Variants in MSI2 observed in about 807,000 individuals in gnomAD.
MSI2 encodes the protein musashi RNA binding protein 2.
A neutral mutation model predicts 45.6 loss-of-function variants in MSI2; 17 were observed. That is an observed-to-expected ratio of 0.37 (90% CI 0.26 to 0.56). MSI2 has a LOEUF of 0.56. Among genes scored for constraint, MSI2 ranks in the 20% least tolerant of loss-of-function variants. The probability of loss-of-function intolerance (pLI) is 0.77; values close to 1 mark genes in which losing one functional copy is unlikely to be tolerated. For synonymous variants in MSI2, 156 were observed against 158.2 expected, an observed-to-expected ratio of 0.99 and a Z score of 0.11; for missense variants, 293 against 444.2, an observed-to-expected ratio of 0.66 and a Z score of 3.06.
chr17:57,416,533 G>A (rs908660987), intron 6 of MSI2, among the ~76,000 whole-genome samples: 15 of 152,292 alleles, frequency 9.8e-5, no homozygotes, highest in African/African-American at 3.4e-4. Flanking sequence ...CTGCCTTCTC[G>A]TGGACTGGGA....
At chr17:57,542,430 C>T (rs2087070760) in intron 7 of MSI2, among the ~76,000 whole-genome samples, 1 of 152,178 alleles carries the variant, frequency 6.6e-6, no homozygotes, top group South Asian at 2.1e-4. Context: ...GATAATTTAT[C>T]CCACAGCCTT....
At chr17:57,379,375 G>A (rs2083558339) in intron 5 of MSI2, among the ~76,000 whole-genome samples, 1 of 152,024 alleles carries the variant, frequency 6.6e-6, no homozygotes, top group Non-Finnish European at 1.5e-5. Flanking sequence ...TTATGGAAGG[G>A]TGTCTTTATT....
intron 6 of MSI2, among the ~76,000 whole-genome samples, chr17:57,465,970 C>T (rs1227554266): frequency 1.3e-5 from 2 of 152,142 alleles, no homozygotes; most frequent in East Asian, 3.8e-4. Context: ...GAAAAATTGG[C>T]ACCTAATGGC....
At chr17:57,367,417 G>C (rs1481800180) in intron 5 of MSI2, among the ~76,000 whole-genome samples, 1 of 152,182 alleles carries the variant, frequency 6.6e-6, no homozygotes, top group East Asian at 1.9e-4. Flanking sequence ...ACTGAATGAG[G>C]TATATGTTGT....
At chr17:57,699,040 A>T in the MSI2 span, among the ~76,000 whole-genome samples, 79 of 31,350 alleles carry the variant, frequency 2.5e-3, 2 homozygotes, top group Middle Eastern at 0.022. Flanking sequence ...AGAGAGAGAG[A>T]GAGAGTGTGT....
Position 57,483,888 on chromosome 17 carries a change from T to A in MSI2, c.406-45788T>A, listed in dbSNP as rs370574817. ...TCCTCCTCCAGCCTTAGGGTCTCCC[T>A]CTAGCACACGCTGTTGGCAGAGCCT... On this transcript the variant is annotated intron_variant, in intron 6 of 13. Transcript: ENST00000284073. Among the ~76,000 whole-genome samples, 7 of 152,314 alleles carry A rather than the reference T, an allele frequency of 4.6e-5. No homozygotes were observed. In the East Asian group the frequency reaches 5.8e-4, roughly 13 times the overall value.
At chr17:57,385,036 A>G (rs189598028) in intron 5 of MSI2, among the ~76,000 whole-genome samples, 2 of 152,104 alleles carry the variant, frequency 1.3e-5, no homozygotes, top group East Asian at 3.9e-4. Context: ...ACTCTCTCTT[A>G]AATCTTTTCC....
chr17:57,376,480 C>T, intron 5 of MSI2, among the ~76,000 whole-genome samples: 1 of 152,182 alleles, frequency 6.6e-6, no homozygotes, highest in East Asian at 1.9e-4. Flanking sequence ...CTGAAGGGCA[C>T]ACAGTCAAAT....
At chr17:57,504,571 C>A (rs751943006) in intron 6 of MSI2, among the ~76,000 whole-genome samples, 2 of 152,126 alleles carry the variant, frequency 1.3e-5, no homozygotes, top group Non-Finnish European at 2.9e-5. Flanking sequence ...GTCAGTGATG[C>A]CAGGAAGGTG....
intron 5 of MSI2, among the ~76,000 whole-genome samples, chr17:57,316,371 A>T (rs1448442677): frequency 2.0e-5 from 3 of 148,472 alleles, no homozygotes; most frequent in African/African-American, 7.5e-5. Flanking sequence ...TCTGTCATCC[A>T]GGCTGGAGTA....
At chr17:57,545,748 A>G (rs181936700) in intron 7 of MSI2, among the ~76,000 whole-genome samples, 1 of 152,266 alleles carries the variant, frequency 6.6e-6, no homozygotes, top group Non-Finnish European at 1.5e-5. Flanking sequence ...TGGTGCTTTT[A>G]TTATTATTAT....
intron 5 of MSI2, among the ~76,000 whole-genome samples, chr17:57,293,536 T>G (rs1910628926): frequency 6.6e-6 from 1 of 152,134 alleles, no homozygotes; most frequent in Non-Finnish European, 1.5e-5. Context: ...TGATCATAAT[T>G]TTTTCCTGGA....
intron 5 of MSI2, among the ~76,000 whole-genome samples, chr17:57,339,433 C>CGTGA: frequency 6.6e-6 from 1 of 152,240 alleles, no homozygotes; most frequent in East Asian, 1.9e-4. Flanking sequence ...CCTCCACTTG[C>CGTGA]GTGATGCTTT....
intron 5 of MSI2, among the ~76,000 whole-genome samples, chr17:57,347,891 G>C (rs866750270): frequency 3.9e-5 from 6 of 152,338 alleles, no homozygotes; most frequent in African/African-American, 1.4e-4. Flanking sequence ...ACACTCAGAG[G>C]CTGTGCCCTT....
intron 5 of MSI2, among the ~76,000 whole-genome samples, chr17:57,360,629 G>C (rs12949781): frequency 0.48 from 72,429 of 152,178 alleles, 19,975 homozygotes; most frequent in Middle Eastern, 0.68. Context: ...GTTAGAACTA[G>C]GCTTTATGCC....
In MSI2 at chr17:57,257,559, C is replaced by T. The variant is rs1906910168; in HGVS notation, c.185+12C>T. 9 of 1,553,014 alleles carry T rather than the reference C, an allele frequency of 5.8e-6. No individual in the cohort carries two copies. Among genetic ancestry groups the T allele is most frequent in the Non-Finnish European group, 8.0e-6 (9 of 1,127,540 alleles). On this transcript the variant is annotated intron_variant, in intron 3 of 13. Transcript: ENST00000284073. ...ACGAAACGCTCCAGGTAAACCATTC[C>T]CTTCTGGATTTTGTCTTTATTTTAG...
chr17:57,487,739 C>T (rs1385669450), intron 6 of MSI2, among the ~76,000 whole-genome samples: 1 of 151,730 alleles, frequency 6.6e-6, no homozygotes, highest in Non-Finnish European at 1.5e-5. Context: ...CACTTCCTCT[C>T]TCTTGTCTCT....
intron 5 of MSI2, among the ~76,000 whole-genome samples, chr17:57,387,555 A>G (rs1281499935): frequency 6.6e-6 from 1 of 152,214 alleles, no homozygotes; most frequent in Non-Finnish European, 1.5e-5. Flanking sequence ...AAGGCAGATA[A>G]AGACACTGCC....
intron 11 of MSI2, among the ~76,000 whole-genome samples, chr17:57,672,854 C>T (rs968653207): frequency 6.6e-6 from 1 of 152,212 alleles, no homozygotes; most frequent in African/African-American, 2.4e-5. Context: ...TCATATTTGC[C>T]TCCATGAGTG....
Sources: allele counts gnomAD v4.1 joint callset (sites outside exome capture counted in the v4.1 genomes callset), GRCh38; gene constraint gnomAD v4.1.1; transcripts MANE v1.5; gene names NCBI Gene and HGNC (gene_info 2026-07-23, HGNC 2026-07-21).